The following LHCGR variants were observed in gnomAD, a reference collection of about 807,000 sequenced individuals.
LHCGR encodes the protein lutropin-choriogonadotropic hormone receptor.
In LHCGR, 55 loss-of-function variants were observed where a neutral mutation model predicts 60.7. The ratio of observed to expected loss-of-function variants is 0.91; its 90% confidence interval spans 0.73 to 1.13. LHCGR has a LOEUF of 1.13. Ranked by LOEUF, LHCGR falls within the 50% of genes most tolerant of loss-of-function variation. LHCGR has a pLI of 0.00. For synonymous variants in LHCGR, 337 were observed against 316.5 expected (o/e 1.06, Z -0.69); for missense variants, 862 against 836.0 (o/e 1.03, Z -0.38).
At chr2:48,718,809 G>T (rs1485243033) in intron 6 of LHCGR, among the ~76,000 whole-genome samples, 1 of 152,154 alleles carries the variant, frequency 6.6e-6, no homozygotes, top group African/African-American at 2.4e-5. Flanking sequence ...ACTACTATGT[G>T]CTGCTGTAAC....
At chr2:48,711,101 C>T (rs1030538765) in intron 7 of LHCGR, among the ~76,000 whole-genome samples, 1 of 152,152 alleles carries the variant, frequency 6.6e-6, no homozygotes, top group African/African-American at 2.4e-5. Context: ...CATATCTGCT[C>T]CCTCTTTCTG....
intron 8 of LHCGR, among the ~76,000 whole-genome samples, chr2:48,707,488 G>A (rs1422327509): frequency 6.6e-6 from 1 of 152,230 alleles, no homozygotes; most frequent in Non-Finnish European, 1.5e-5. Flanking sequence ...CAGAAGTTGT[G>A]CCCACAGCTG....
In LHCGR at chr2:48,716,550, T is replaced by C. The variant is rs997742804; in HGVS notation, c.537-2496A>G. Among the ~76,000 whole-genome samples, 10 of 152,340 alleles carry C rather than the reference T, an allele frequency of 6.6e-5. No individual in the cohort carries two copies. In the South Asian group the frequency reaches 2.1e-3, roughly 32 times the overall value. ...TACTAGCTCTACCATGTTGGATTAC[T>C]GGATGCCACTCTCAGTAGTTTTCTT... On this transcript the variant is annotated intron_variant, in intron 6 of 10. Coordinates refer to ENST00000294954, the MANE Select transcript of LHCGR (RefSeq NM_000233.4).
chr2:48,732,960 C>T, intron 1 of LHCGR: 1 of 534,244 alleles, frequency 1.9e-6, no homozygotes, highest in Non-Finnish European at 3.8e-6. Flanking sequence ...AGAACAGGGA[C>T]AGTGTGGGAA....
Position 48,698,894 on chromosome 2 carries a change from T to G in LHCGR, c.681-94A>C, listed in dbSNP as rs553970610. 5.8e-6 allele frequency: 6 copies of G among 1,040,842 alleles called. No individual in the cohort carries two copies. The African/African-American group carries it at 8.0e-5, about 14-fold the overall frequency. The allele number at this position is 1,040,842 out of a possible 1,614,324, so 64.5% of individuals were successfully genotyped here. A position where few individuals can be genotyped will look rare whatever the true frequency, so the allele number is the denominator to read the frequency against. ...TCTTGCTCCGTCGCCCAGGCTGGAG[T>G]GCAGTGGCACGACCTCGGCTCACTG... is the stretch of plus-strand genomic sequence containing the variant. On this transcript the variant is annotated intron_variant, in intron 8 of 10. Coordinates refer to ENST00000294954, the MANE Select transcript of LHCGR (RefSeq NM_000233.4).
chr2:48,729,245 G>A lies in LHCGR; in HGVS notation c.234-18C>T, dbSNP rs1345149349. The A allele has an allele frequency of 1.3e-6, 2 of 1,560,336 alleles. No homozygotes were observed. The highest frequency in any genetic ancestry group is 8.8e-7 in the Non-Finnish European group (1 of 1,135,286). ...AGATTTCACTAGGGAAGAGAGGAGGGGGAAAAAGAGAAAGAAACATGAAAG... is the reference window on the plus strand; with the variant it reads ...AGATTTCACTAGGGAAGAGAGGAGGAGGAAAAAGAGAAAGAAACATGAAAG... On this transcript the variant is annotated intron_variant, in intron 2 of 10. Coordinates refer to ENST00000294954, the MANE Select transcript of LHCGR (RefSeq NM_000233.4).
At chr2:48,722,110 A>G (rs1668524610) in intron 6 of LHCGR, among the ~76,000 whole-genome samples, 1 of 152,238 alleles carries the variant, frequency 6.6e-6, no homozygotes, top group African/African-American at 2.4e-5. Context: ...AGATTGCGCC[A>G]CTGCACTCCA....
At position 48,688,835 on chromosome 2, in the gene LHCGR, A is replaced by G. The variant is rs1462760547; in HGVS notation, c.962T>C (p.Leu321Pro). The change falls in exon 11 of 11, where the codon CTT becomes CCT. Residue 321 changes from leucine to proline, a missense_variant. Coordinates refer to ENST00000294954, the MANE Select transcript of LHCGR (RefSeq NM_000233.4). This position sits in a 1 kb window ranked among gnomAD's most constrained non-coding sequence, Gnocchi z 5.2. ...CCAGCCACTCAGTTCACTCTCAGCA[A>G]GCATGGAAGAATAACTGTAAGAAGA... ...VNNKTLYSSM[L>P]AESELSGWDY... The G allele has an allele frequency of 2.5e-6, 4 of 1,614,046 alleles. No homozygotes were observed. The highest frequency in any genetic ancestry group is 1.7e-5 in the Admixed American group (1 of 60,006).
intron 1 of LHCGR, among the ~76,000 whole-genome samples, chr2:48,743,055 C>T (rs567987820): frequency 6.6e-6 from 1 of 152,128 alleles, no homozygotes; most frequent in Admixed American, 6.5e-5. Context: ...TCAGAGAATA[C>T]TACAAACACC....
chr2:48,703,224 G>A (rs7569383), intron 8 of LHCGR, among the ~76,000 whole-genome samples: 17,479 of 152,174 alleles, frequency 0.11, 1,148 homozygotes, highest in African/African-American at 0.17. Context: ...TCTCTAGGTT[G>A]CCTGTTTACT....
chr2:48,721,905 A>C (rs1397676853), intron 6 of LHCGR: 15 of 405,138 alleles, frequency 3.7e-5, no homozygotes, highest in Non-Finnish European at 6.9e-5. Context: ...TTTTCCCAGC[A>C]CTTTGGGAGG....
intron 8 of LHCGR, among the ~76,000 whole-genome samples, chr2:48,706,838 G>A (rs528459842): frequency 5.3e-5 from 8 of 152,198 alleles, no homozygotes; most frequent in African/African-American, 1.9e-4. Flanking sequence ...GTTAGAACAT[G>A]CTCCTTTGGC....
At chr2:48,739,407 C>T (rs1669335418) in intron 1 of LHCGR, among the ~76,000 whole-genome samples, 1 of 152,130 alleles carries the variant, frequency 6.6e-6, no homozygotes, top group Non-Finnish European at 1.5e-5. Context: ...GACTTGGAAC[C>T]AAGCCAAATG....
intron 1 of LHCGR, among the ~76,000 whole-genome samples, chr2:48,750,799 G>T (rs1392670067): frequency 2.0e-5 from 3 of 152,220 alleles, no homozygotes; most frequent in Non-Finnish European, 4.4e-5. Context: ...AAGGGGTGGG[G>T]AGGAATTTCC....
chr2:48,729,338 C>A, intron 2 of LHCGR, 111 bp from the exon 3 acceptor site: 2 of 822,358 alleles, frequency 2.4e-6, no homozygotes, highest in Non-Finnish European at 4.2e-6. Context: ...CACTGTGTCC[C>A]CCTGAAAAGA....
At chr2:48,752,812 C>T (rs1386857229) in intron 1 of LHCGR, among the ~76,000 whole-genome samples, 1 of 152,028 alleles carries the variant, frequency 6.6e-6, no homozygotes, top group African/African-American at 2.4e-5. Flanking sequence ...ATTAACATTC[C>T]TCCCTCATTC....
At position 48,688,531 on chromosome 2, in the gene LHCGR, G is replaced by C. The variant is rs1421456036; in HGVS notation, c.1266C>G (p.Thr422=). 6.2e-7 allele frequency: 1 copy of C among 1,614,018 alleles called. No individual in the cohort carries two copies. Among genetic ancestry groups the C allele is most frequent in the African/African-American group, 1.3e-5 (1 of 74,904 alleles). Residue 422 remains threonine (T), a synonymous_variant, in exon 11 of 11, where the codon ACC becomes ACG. Coordinates refer to ENST00000294954, the MANE Select transcript of LHCGR (RefSeq NM_000233.4). This position sits in a 1 kb window ranked among gnomAD's most constrained non-coding sequence, Gnocchi z 5.2. ...LLLIASVDSQ[T]KGQYYNHAID... ...TGGCATGGTTATAGTACTGGCCCTTGGTTTGGGAATCAACTGAGGCTATGA... is the reference window on the plus strand; with the variant it reads ...TGGCATGGTTATAGTACTGGCCCTTCGTTTGGGAATCAACTGAGGCTATGA...
chr2:48,739,275 C>T (rs1173374405), intron 1 of LHCGR, among the ~76,000 whole-genome samples: 3 of 152,176 alleles, frequency 2.0e-5, no homozygotes, highest in African/African-American at 7.2e-5. Context: ...GGATCTAGAA[C>T]TAGAAATACC....
In LHCGR at chr2:48,690,639, G is replaced by T. The variant is rs185785357; in HGVS notation, c.948-1790C>A. Among the ~76,000 whole-genome samples the T allele has an allele frequency of 3.6e-3, 542 of 152,266 alleles. 1 individual carries two copies. The highest frequency in any genetic ancestry group is 5.9e-3 in the Non-Finnish European group (402 of 68,028). The stretch of plus-strand genomic sequence containing the variant: ...CTGTCTTTGTACGTACTTCTGCCTA[G>T]AATTTTCTTCTTTTCCTCATCTCTC... On this transcript the variant is annotated intron_variant, in intron 10 of 10. Transcript: ENST00000294954.
Sources: gnomAD v4.1 joint callset for allele counts (sites outside exome capture counted in the v4.1 genomes callset) on GRCh38, gnomAD v4.1.1 for gene constraint, Gnocchi (gnomAD v3.1) non-coding constraint, MANE v1.5 for transcripts, NCBI Gene and HGNC (gene_info 2026-07-23, HGNC 2026-07-21) for gene names.